Variants in RPL24 observed in about 807,000 individuals in gnomAD.
RPL24 encodes large ribosomal subunit protein eL24.
In RPL24, 7 loss-of-function variants were observed where a neutral mutation model predicts 26.4. The ratio of observed to expected loss-of-function variants is 0.27; its 90% CI spans 0.15 to 0.50. The LOEUF (loss-of-function observed/expected upper bound fraction) is 0.50. Ranked by LOEUF, RPL24 falls within the 20% of genes least tolerant of loss-of-function variation. The probability of loss-of-function intolerance (pLI) is 0.98; values close to 1 mark genes in which losing one functional copy is unlikely to be tolerated. For synonymous variants in RPL24, 67 were observed against 65.2 expected (o/e 1.03, Z -0.13); for missense variants, 109 against 194.9 (o/e 0.56, Z 2.62).
intron 3 of RPL24, among the ~76,000 whole-genome samples, chr3:101,684,167 CTTTT>C (rs930501770): frequency 8.7e-5 from 12 of 138,142 alleles, no homozygotes; most frequent in African/African-American, 2.4e-4. Flanking sequence ...CCCATTTTAA[CTTTT>C]TTTTTTTTTT....
At chr3:101,684,877 C>CT (rs55805152) in intron 3 of RPL24, among the ~76,000 whole-genome samples, 28,954 of 133,724 alleles carry the variant, frequency 0.22, 3,666 homozygotes, top group Middle Eastern at 0.41. Flanking sequence ...ATCTAAATAA[C>CT]TTTTTTTTTT....
At position 101,685,873 on chromosome 3, in the gene RPL24, G is replaced by A; in HGVS notation, c.137C>T (p.Pro46Leu). 1 of 1,613,978 alleles carries A rather than the reference G, an allele frequency of 6.2e-7. No homozygotes were observed. The highest frequency in any genetic ancestry group is 8.5e-7 in the Non-Finnish European group (1 of 1,179,902). The change falls in exon 3 of 6, where the codon CCT (proline) becomes CTT (leucine). Residue 46 changes from proline to leucine, a missense_variant. Physicochemically the swap from Pro to Leu is moderately conservative, Grantham distance 98. This residue lies in a region of RPL24 where 69 missense variants were observed against 96.2 expected (regional missense o/e 0.72). Coordinates refer to ENST00000394077, the MANE Select transcript of RPL24 (RefSeq NM_000986.4). ...CESAFLSKRN[P>L]RQINWTVLYR... ...GAGGACAGTCCAGTTTATCTGCCGA[G>A]GATTCCTCTTGGAAAGGAAAGCCGA...
At chr3:101,684,563 G>A (rs1937306723) in intron 3 of RPL24, among the ~76,000 whole-genome samples, 1 of 151,970 alleles carries the variant, frequency 6.6e-6, no homozygotes, top group East Asian at 1.9e-4. Context: ...AGGATTACTT[G>A]AGCCCAAGAA....
At chr3:101,685,582 A>G (rs1424372154) in intron 3 of RPL24, among the ~76,000 whole-genome samples, 2 of 152,224 alleles carry the variant, frequency 1.3e-5, no homozygotes, top group East Asian at 1.9e-4. Flanking sequence ...ACCCTGCCCT[A>G]TAACGCAAAG....
Position 101,685,818 on chromosome 3 carries a change from C to T in RPL24, c.192G>A (p.Ser64=), listed in dbSNP as rs1209179907. 3.2e-6 allele frequency: 5 copies of T among 1,569,564 alleles called. No individual in the cohort carries two copies. Among genetic ancestry groups the T allele is most frequent in the Admixed American group, 1.7e-5 (1 of 59,266 alleles). ...CAACATCAAGGCGTATTCCACTTAC[C>T]GACTGTCCCTTTTTGTGCTTCCTTC... ...LYRRKHKKGQ[S]EEIQKKRTRR... Residue 64 remains serine (S), a splice_region_variant and synonymous_variant, in exon 3 of 6, where the codon TCG becomes TCA. Transcript: ENST00000394077.
At chr3:101,681,272 C>T in intron 5 of RPL24, 57 bp from the exon 6 acceptor site, 1 of 1,107,028 alleles carries the variant, frequency 9.0e-7, no homozygotes, top group Non-Finnish European at 1.4e-6. Context: ...TATTATTACC[C>T]ATCTCTCACA....
chr3:101,685,721 T>C lies in RPL24; in HGVS notation c.192+97A>G, dbSNP rs1937329273. ...TTTACAGTTTAAGAGCTCTTTCGCATACAGTCTGATTTAATTTTACAGAGC... is the reference window on the plus strand; with the variant it reads ...TTTACAGTTTAAGAGCTCTTTCGCACACAGTCTGATTTAATTTTACAGAGC... On this transcript the variant is annotated intron_variant, in intron 3 of 5. Coordinates refer to ENST00000394077, the MANE Select transcript of RPL24 (RefSeq NM_000986.4). 5 of 641,042 alleles carry C rather than the reference T, an allele frequency of 7.8e-6. No homozygotes were observed. In the East Asian group the frequency reaches 1.0e-4, roughly 13 times the overall value. The allele number at this position is 641,042 out of a possible 1,614,324, so 39.7% of individuals were successfully genotyped here.
Position 101,686,500 on chromosome 3 carries a change from G to C in RPL24, c.63C>G (p.Tyr21Ter), listed in dbSNP as rs769575601. Residue 21 changes from tyrosine to a stop codon, truncating the protein, a stop_gained, in exon 2 of 6, where the codon TAC (tyrosine) becomes TAG (stop). Transcript: ENST00000394077. LOFTEE classifies it high-confidence loss of function. ...YKIYPGHGRR[Y>*]ARTDGKVFQF... ...TTTTTACCTTCCCGTCGGTCCTGGC[G>C]TAGCGCCTCCCGTGTCCGGGGTAGA... is the stretch of plus-strand genomic sequence containing the variant. 6.2e-7 allele frequency: 1 copy of C among 1,614,166 alleles called. No individual in the cohort carries two copies. Among genetic ancestry groups the C allele is most frequent in the Admixed American group, 1.7e-5 (1 of 60,012 alleles).
chr3:101,686,594 C>T (rs1444840814), intron 1 of RPL24, 37 bp from the exon 2 acceptor site: 8 of 1,613,966 alleles, frequency 5.0e-6, no homozygotes, highest in Admixed American at 1.7e-5. Flanking sequence ...GGGAGGGTGT[C>T]TACAGCCATG....
In RPL24 at chr3:101,686,515, T is replaced by G; in HGVS notation, c.48A>C (p.Gly16=). 1.2e-6 allele frequency: 2 copies of G among 1,614,202 alleles called. No homozygotes were observed. Among genetic ancestry groups the G allele is most frequent in the Non-Finnish European group, 1.7e-6 (2 of 1,180,014 alleles). Residue 16 remains glycine (G), a synonymous_variant, in exon 2 of 6, where the codon GGA becomes GGC. Coordinates refer to ENST00000394077, the MANE Select transcript of RPL24 (RefSeq NM_000986.4). ...CSFSGYKIYP[G]HGRRYARTDG... The stretch of plus-strand genomic sequence containing the variant: ...CGGTCCTGGCGTAGCGCCTCCCGTG[T>G]CCGGGGTAGATCTTGTACCCGCTAA...
intron 1 of RPL24, 30 bp from the exon 2 acceptor site, chr3:101,686,587 A>G (rs1349264934): frequency 6.2e-7 from 1 of 1,614,106 alleles, no homozygotes; most frequent in Non-Finnish European, 8.5e-7. Flanking sequence ...TCCATCAGGG[A>G]GGGTGTCTAC....
At chr3:101,682,242 T>C in intron 5 of RPL24, 187 bp downstream of exon 5, 1 of 598,782 alleles carries the variant, frequency 1.7e-6, no homozygotes, top group Non-Finnish European at 3.0e-6. Flanking sequence ...GGCGCGCACC[T>C]GTACTCCCAG....
intron 2 of RPL24, chr3:101,686,187 G>A: frequency 5.2e-6 from 3 of 575,560 alleles, no homozygotes; most frequent in Non-Finnish European, 6.2e-6. Context: ...CTTCTGGGAA[G>A]CATTCTGCTC....
At chr3:101,682,222 C>A in intron 5 of RPL24, 2 of 531,558 alleles carry the variant, frequency 3.8e-6, no homozygotes, top group South Asian at 2.3e-5. Context: ...AAAAATCAGC[C>A]GGGCGTGATG....
chr3:101,684,776 C>CCAAAAA (rs1205904118), intron 3 of RPL24, among the ~76,000 whole-genome samples: 4 of 53,212 alleles, frequency 7.5e-5, no homozygotes, highest in Non-Finnish European at 1.3e-4. Context: ...CCTGTCTCCC[C>CCAAAAA]AAAAAAAAAA....
intron 3 of RPL24, among the ~76,000 whole-genome samples, chr3:101,684,436 G>T (rs984717151): frequency 2.0e-5 from 3 of 152,048 alleles, no homozygotes; most frequent in African/African-American, 7.2e-5. Context: ...CCAAAGTGCT[G>T]GGATTACAGG....
chr3:101,683,707 CTTTTT>C (rs541871888), intron 3 of RPL24, among the ~76,000 whole-genome samples: 2 of 130,872 alleles, frequency 1.5e-5, no homozygotes, highest in African/African-American at 2.8e-5. Context: ...TTTTTCTTTT[CTTTTT>C]TTTTTTTTTT....
chr3:101,685,932 G>A lies in RPL24; in HGVS notation c.82-4C>T. The A allele has an allele frequency of 6.3e-7, 1 of 1,586,970 alleles. No individual in the cohort carries two copies. ...TCGCATTAAGAAACTGGAAAACCTA[G>A]AGTGACAAATGCAAAGGAATTACTA... is the stretch of plus-strand genomic sequence containing the variant. On this transcript the variant is annotated splice_polypyrimidine_tract_variant and splice_region_variant and intron_variant, in intron 2 of 5. Transcript: ENST00000394077.
intron 3 of RPL24, 55 bp downstream of exon 3, chr3:101,685,763 G>C: frequency 1.0e-6 from 1 of 996,200 alleles, no homozygotes; most frequent in Non-Finnish European, 1.6e-6. Context: ...CCAACGTTCA[G>C]AGAGCTTTGA....
Sources: gnomAD v4.1 joint callset for allele counts (sites outside exome capture counted in the v4.1 genomes callset) on GRCh38, gnomAD v4.1.1 for gene constraint, gnomAD v4.1.1 regional missense constraint, MANE v1.5 for transcripts, NCBI Gene and HGNC (gene_info 2026-07-23, HGNC 2026-07-21) for gene names.